LCTL: variants seen among roughly 807,000 people sequenced by gnomAD.
The protein encoded by LCTL is lactase like, also known as lactase-like protein.
LCTL carries 76 observed loss-of-function variants against 75.8 expected under a neutral mutation model. That is an observed-to-expected ratio of 1.00 (90% CI 0.83 to 1.21). The LOEUF is 1.21. Among genes scored for constraint, LCTL ranks in the 50% most tolerant of loss-of-function variants. The pLI is 0.00. For synonymous variants in LCTL, 271 were observed against 268.8 expected, an observed-to-expected ratio of 1.01 and a Z score of -0.08; for missense variants, 670 against 712.4, an observed-to-expected ratio of 0.94 and a Z score of 0.68.
rs1895876763 is a variant in LCTL, at chr15:66,561,142, T to G, written c.610-41A>C. Reference sequence around the variant, plus strand: ...GCAGGACCACAGGATCCATAAGAAGTGGCAGGGAGTGTCACATTCTCCCAC... The same window carrying G: ...GCAGGACCACAGGATCCATAAGAAGGGGCAGGGAGTGTCACATTCTCCCAC... On this transcript the variant is annotated intron_variant, in intron 5 of 12. Transcript: ENST00000341509. 4 of 1,614,084 alleles carry G rather than the reference T, an allele frequency of 2.5e-6. No homozygotes were observed. The East Asian group carries it at 8.9e-5, about 36-fold the overall frequency.
chr15:66,564,775 T>C, exon 2 of LCTL: 1 of 1,613,748 alleles, frequency 6.2e-7, no homozygotes, highest in Non-Finnish European at 8.5e-7. Flanking sequence ...TGCTAGGCCC[T>C]TTCCCGTCCT....
chr15:66,563,811 A>C, intron 3 of LCTL, 100 bp downstream of exon 4: 1 of 997,744 alleles, frequency 1.0e-6, no homozygotes, highest in South Asian at 1.3e-5. Context: ...AACTACGTTC[A>C]TGGGCTGATC....
Position 66,551,728 on chromosome 15 carries a change from A to T in LCTL, c.1458T>A (p.Tyr486Ter). 6.2e-7 allele frequency: 1 copy of T among 1,614,132 alleles called. No homozygotes were observed. Among genetic ancestry groups the T allele is most frequent in the Admixed American group, 1.7e-5 (1 of 60,020 alleles). ...TGTAATATTGAACTGAAGCCTTTGGATAGCGAGGCTTATTTCTGTCGTTAA... is the reference window on the plus strand; with the variant it reads ...TGTAATATTGAACTGAAGCCTTTGGTTAGCGAGGCTTATTTCTGTCGTTAA... Residue 486 changes from tyrosine to a stop codon, truncating the protein, a stop_gained, in exon 11 of 13, where the codon TAT (tyrosine) becomes TAA (stop). Coordinates refer to ENST00000341509, the Ensembl canonical transcript of LCTL. LOFTEE classifies it high-confidence loss of function.
chr15:66,564,098 T>G (rs1895962044), intron 2 of LCTL, 100 bp from the exon 4 acceptor site: 1 of 778,718 alleles, frequency 1.3e-6, no homozygotes, highest in Non-Finnish European at 2.3e-6. Flanking sequence ...TGTCTGTAGC[T>G]GTTAGTGGGC....
At chr15:66,555,629 G>A (rs28759045) in intron 8 of LCTL, among the ~76,000 whole-genome samples, 133,412 of 152,212 alleles carry the variant, frequency 0.88, 58,568 homozygotes, top group East Asian at 0.93. Context: ...TGACTCTGAC[G>A]CCAAAATCAC....
chr15:66,554,163 T>C (rs948996857), intron 8 of LCTL, among the ~76,000 whole-genome samples: 2 of 150,376 alleles, frequency 1.3e-5, no homozygotes, highest in Non-Finnish European at 3.0e-5. Context: ...TGGTGGTGCG[T>C]GCCTGTAATC....
chr15:66,548,757 G>C, intron 12 of LCTL, 152 bp from the exon 14 acceptor site: 1 of 460,598 alleles, frequency 2.2e-6, no homozygotes, highest in East Asian at 3.2e-5. Context: ...ATAGAACTTA[G>C]TAAATTAAAT....
At chr15:66,565,419 T>A (rs995351082) in exon 1 of LCTL, 8 of 1,188,682 alleles carry the variant, frequency 6.7e-6, no homozygotes, top group East Asian at 4.9e-5. Context: ...TGCAGGCCCC[T>A]GCAGCCAGGC....
chr15:66,563,534 G>T (rs776191696), exon 4 of LCTL: 1 of 1,611,732 alleles, frequency 6.2e-7, no homozygotes, highest in Non-Finnish European at 8.5e-7. Flanking sequence ...GATCCCAGTG[G>T]TGCAAGGTCA....
chr15:66,556,711 A>C (rs1247087404), intron 8 of LCTL, among the ~76,000 whole-genome samples: 2 of 152,232 alleles, frequency 1.3e-5, no homozygotes, highest in African/African-American at 4.8e-5. Context: ...AGTCACACAA[A>C]GACAAATACT....
chr15:66,564,195 A>C, intron 2 of LCTL, 197 bp from the exon 4 acceptor site: 1 of 592,200 alleles, frequency 1.7e-6, no homozygotes, highest in Admixed American at 2.9e-5. Flanking sequence ...GTCAAAGAAA[A>C]CGCAGGACAG....
At chr15:66,553,281 T>C (rs775513924) in intron 8 of LCTL, 23 bp from the exon 10 acceptor site, 2 of 1,512,448 alleles carry the variant, frequency 1.3e-6, no homozygotes, top group East Asian at 4.7e-5. Context: ...AAAAGTAGAA[T>C]TTAACAAAGC....
intron 8 of LCTL, among the ~76,000 whole-genome samples, chr15:66,553,570 A>G (rs1420848995): frequency 2.6e-5 from 4 of 151,656 alleles, no homozygotes; most frequent in Admixed American, 1.3e-4. Flanking sequence ...CCTGGCTAGC[A>G]CAGTGAAACC....
intron 8 of LCTL, among the ~76,000 whole-genome samples, chr15:66,554,604 C>T (rs1385438369): frequency 2.6e-5 from 4 of 152,204 alleles, no homozygotes; most frequent in African/African-American, 7.2e-5. Flanking sequence ...AATCTGTTTA[C>T]ACTTTACTCA....
intron 8 of LCTL, among the ~76,000 whole-genome samples, chr15:66,556,102 A>T (rs1277248570): frequency 6.6e-6 from 1 of 151,484 alleles, no homozygotes; most frequent in Non-Finnish European, 1.5e-5. Flanking sequence ...ATGCTTCCTT[A>T]AAAAAAAATT....
chr15:66,553,894 G>A (rs116957410), intron 8 of LCTL, among the ~76,000 whole-genome samples: 4,996 of 152,102 alleles, frequency 0.033, 105 homozygotes, highest in Non-Finnish European at 0.051. Context: ...AATGGCTCAC[G>A]CCTGTAATTC....
intron 9 of LCTL, among the ~76,000 whole-genome samples, chr15:66,552,667 CAAAAAAA>C (rs752480803): frequency 3.8e-5 from 2 of 53,106 alleles, no homozygotes; most frequent in Admixed American, 4.0e-4. Context: ...GAGACTGTCT[CAAAAAAA>C]AAAAAAAAAA....
intron 4 of LCTL, among the ~76,000 whole-genome samples, chr15:66,562,321 C>G (rs1393206666): frequency 6.6e-6 from 1 of 151,164 alleles, no homozygotes; most frequent in Non-Finnish European, 1.5e-5. Context: ...GAGAATCACT[C>G]GAACCCAGGA....
intron 3 of LCTL, 75 bp downstream of exon 4, chr15:66,563,836 T>G (rs576758852): frequency 8.4e-7 from 1 of 1,189,300 alleles, no homozygotes; most frequent in East Asian, 2.3e-5. Flanking sequence ...TCCCCAGGAC[T>G]CTGTGGTGCC....
Sources: gnomAD v4.1 joint callset for allele counts (sites outside exome capture counted in the v4.1 genomes callset) on GRCh38, gnomAD v4.1.1 for gene constraint, MANE v1.5 for transcripts, NCBI Gene and HGNC (gene_info 2026-07-23, HGNC 2026-07-21) for gene names.